The following SRP72 variants were observed in gnomAD, a reference collection of about 807,000 sequenced individuals.
SRP72 encodes the protein signal recognition particle subunit SRP72.
A neutral mutation model predicts 96.3 loss-of-function variants in SRP72; 49 were observed. The observed-to-expected ratio is 0.51, with a 90% confidence interval of 0.40 to 0.65. The LOEUF is 0.65. Ranked by LOEUF, SRP72 falls within the 30% of genes least tolerant of loss-of-function variation. The pLI is 0.00. For synonymous variants in SRP72, 267 were observed against 275.2 expected, an observed-to-expected ratio of 0.97 and a Z score of 0.30; for missense variants, 736 against 793.3, an observed-to-expected ratio of 0.93 and a Z score of 0.87.
At chr4:56,467,807 G>A in intron 1 of SRP72, 63 bp downstream of exon 1, 2 of 1,373,760 alleles carry the variant, frequency 1.5e-6, no homozygotes, top group African/African-American at 1.5e-5. Flanking sequence ...CCTGTTTCCG[G>A]CGCGCGAGAC....
chr4:56,486,303 C>T (rs1560683591), intron 10 of SRP72, 22 bp from the exon 11 acceptor site: 2 of 1,561,608 alleles, frequency 1.3e-6, no homozygotes, highest in South Asian at 1.2e-5. Context: ...TGATTTTTTT[C>T]CCCCAAACTA....
intron 11 of SRP72, among the ~76,000 whole-genome samples, chr4:56,487,476 G>GT (rs1578189733): frequency 6.6e-6 from 1 of 151,980 alleles, no homozygotes. Flanking sequence ...ATCTGTCATG[G>GT]TTTTTTGTTT....
Position 56,467,653 on chromosome 4 carries a change from CG to C in SRP72, c.25del (p.Val9CysfsTer10), listed in dbSNP as rs763130641. 1.7e-5 allele frequency: 27 copies of C among 1,550,624 alleles called. No homozygotes were observed. Among genetic ancestry groups the C allele is most frequent in the Admixed American group, 4.0e-5 (2 of 50,446 alleles). Reference protein sequence around the residue: MASGGSGGVSVPALWSE... With the variant: MASGGSXGVSVPALWSE... ...CCTCCAAGATGGCGAGCGGCGGCAG[CG>C]GGGGGGTGTCAGTACCTGCGCTGTG... On this transcript the variant is annotated frameshift_variant, in exon 1 of 19. Coordinates refer to ENST00000642900, the MANE Select transcript of SRP72 (RefSeq NM_006947.4). LOFTEE classifies it high-confidence loss of function.
Position 56,473,935 on chromosome 4 carries a change from A to G in SRP72, c.355-119A>G, listed in dbSNP as rs1720092760. 6.6e-6 allele frequency: 6 copies of G among 906,494 alleles called. No homozygotes were observed. In the South Asian group the frequency reaches 1.2e-4, roughly 18 times the overall value. The allele number at this position is 906,494 out of a possible 1,614,324, so 56.2% of individuals were successfully genotyped here. A position where few individuals can be genotyped will look rare whatever the true frequency, so the allele number is the denominator to read the frequency against. The stretch of plus-strand genomic sequence containing the variant: ...AAAAATTATAAAACATAAACAGTTG[A>G]TTGTTCATGTTATGCTGAACTAGGA... On this transcript the variant is annotated intron_variant, in intron 3 of 18. Coordinates refer to ENST00000642900, the MANE Select transcript of SRP72 (RefSeq NM_006947.4).
chr4:56,474,027 A>AT, intron 3 of SRP72, 27 bp from the exon 4 acceptor site: 2 of 1,596,966 alleles, frequency 1.3e-6, no homozygotes, highest in Admixed American at 1.8e-5. Context: ...TTTGTCTCTG[A>AT]TTTTTTACTT....
chr4:56,481,751 A>G (rs941245251), intron 8 of SRP72, among the ~76,000 whole-genome samples: 1 of 145,868 alleles, frequency 6.9e-6, no homozygotes, highest in Non-Finnish European at 1.5e-5. Flanking sequence ...CTCTGTGTTG[A>G]GCATATCTGT....
Position 56,467,713 on chromosome 4 carries a change from C to G in SRP72, c.78C>G (p.Asp26Glu), listed in dbSNP as rs1307002461. The G allele has an allele frequency of 6.4e-7, 1 of 1,554,794 alleles. No individual in the cohort carries two copies. The highest frequency in any genetic ancestry group is 2.0e-5 in the Admixed American group (1 of 49,656). ...TGAACCGGTATGGCCAGAACGGCGA[C>G]TTCACGCGCGCTCTCAAGACCGTCA... ...SEVNRYGQNG[D>E]FTRALKTVNK... The change falls in exon 1 of 19, where the codon GAC (aspartate) becomes GAG (glutamate). Residue 26 changes from aspartate (D) to glutamate (E), a missense_variant. Transcript: ENST00000642900.
intron 17 of SRP72, among the ~76,000 whole-genome samples, chr4:56,498,443 A>G (rs1721154187): frequency 6.6e-6 from 1 of 152,156 alleles, no homozygotes; most frequent in Non-Finnish European, 1.5e-5. Context: ...GGCAAGAGAA[A>G]GAAATAAAGG....
rs1027550492 is a variant in SRP72, at chr4:56,467,879, C to T, written c.109+135C>T. On this transcript the variant is annotated intron_variant, in intron 1 of 18. Transcript: ENST00000642900. ...GAAACCCCCCCGTCTATTGTCCGCC[C>T]GGCTCGGGCCCTAGCGCCCGGAAGA... 3.1e-5 allele frequency: 28 copies of T among 896,174 alleles called. 1 individual carries two copies. Among genetic ancestry groups the T allele is most frequent in the South Asian group, 2.3e-4 (10 of 43,056 alleles). The allele number at this position is 896,174 out of a possible 1,614,324, so 55.5% of individuals were successfully genotyped here. A position where few individuals can be genotyped will look rare whatever the true frequency, so the allele number is the denominator to read the frequency against.
rs1721041051 is a variant in SRP72 at position 56,495,372 on chromosome 4, AAAGAAG to A, written c.1659_1664del (p.Lys558_Lys559del). The stretch of plus-strand genomic sequence containing the variant: ...CTCTTTGTAGACAGGGAGATTTGAA[AAAGAAG>A]AAAAAGAAAAAGAAGGGTAAGGCAT... On this transcript the variant is annotated inframe_deletion, in exon 17 of 19. Coordinates refer to ENST00000642900, the MANE Select transcript of SRP72 (RefSeq NM_006947.4). 1.3e-6 allele frequency: 2 copies of A among 1,490,060 alleles called. No homozygotes were observed. The highest frequency in any genetic ancestry group is 1.2e-5 in the South Asian group (1 of 85,092). 92.3% of individuals were successfully genotyped at this position (1,490,060 alleles called of 1,614,324 possible). A position where few individuals can be genotyped will look rare whatever the true frequency, so the allele number is the denominator to read the frequency against.
rs188727021 is a variant in SRP72 at position 56,469,151 on chromosome 4, G to T, written c.110-502G>T. ...ATATTGTCAGTAACCTTATTAAATA[G>T]GTAATGCTTTTCTAATCATTTTGTA... On this transcript the variant is annotated intron_variant, in intron 1 of 18. Transcript: ENST00000642900. Among the ~76,000 whole-genome samples the T allele has an allele frequency of 4.7e-3, 722 of 152,174 alleles. 2 individuals carry two copies. The highest frequency in any genetic ancestry group is 6.7e-3 in the Non-Finnish European group (457 of 68,004).
chr4:56,481,921 C>T (rs572258448), intron 8 of SRP72, among the ~76,000 whole-genome samples: 41 of 151,328 alleles, frequency 2.7e-4, no homozygotes, highest in Non-Finnish European at 4.9e-4. Flanking sequence ...TGCCACCACA[C>T]CCAGCTAATT....
intron 8 of SRP72, among the ~76,000 whole-genome samples, chr4:56,480,193 A>T (rs139628471): frequency 2.6e-4 from 39 of 152,298 alleles, no homozygotes; most frequent in African/African-American, 9.1e-4. Flanking sequence ...CCAAACATTG[A>T]TACTAGCCTT....
intron 15 of SRP72, among the ~76,000 whole-genome samples, 175 bp downstream of exon 15, chr4:56,490,820 G>A (rs1433703611): frequency 6.6e-6 from 1 of 152,128 alleles, no homozygotes; most frequent in Admixed American, 6.6e-5. Flanking sequence ...AAAATGCGGC[G>A]ATAGATCCAA....
chr4:56,500,935 A>T (rs1464058131), intron 18 of SRP72, among the ~76,000 whole-genome samples: 1 of 151,528 alleles, frequency 6.6e-6, no homozygotes. Flanking sequence ...TCAAATATAT[A>T]TTGTGAAATA....
In SRP72 at chr4:56,478,566, T is replaced by C. The variant is rs752648920; in HGVS notation, c.768-26T>C. On this transcript the variant is annotated intron_variant, in intron 7 of 18. Coordinates refer to ENST00000642900, the MANE Select transcript of SRP72 (RefSeq NM_006947.4). ...GGGTTCTTTTTAAAGGTTTGTTTGG[T>C]TTTGACTGTTGCTTGTTGTTCACAG... is the stretch of plus-strand genomic sequence containing the variant. The C allele has an allele frequency of 1.9e-6, 3 of 1,613,354 alleles. No homozygotes were observed. In the Admixed American group the frequency reaches 5.0e-5, roughly 27 times the overall value.
Position 56,501,998 on chromosome 4 carries a change from G to C in SRP72, c.*137G>C, listed in dbSNP as rs1336892651. The C allele has an allele frequency of 1.1e-6, 1 of 934,222 alleles. No individual in the cohort carries two copies. The highest frequency in any genetic ancestry group is 1.7e-5 in the African/African-American group (1 of 59,990). 57.9% of individuals were successfully genotyped at this position (934,222 alleles called of 1,614,324 possible). A position where few individuals can be genotyped will look rare whatever the true frequency, so the allele number is the denominator to read the frequency against. ...TTCATAATTTCTTGTGTTTCAAATA[G>C]GGAAACATCTTCCTCAAAGTCTGCC... On this transcript the variant is annotated 3_prime_UTR_variant, in exon 19 of 19. Transcript: ENST00000642900.
At chr4:56,470,828 GTTTT>G (rs569643683) in intron 2 of SRP72, among the ~76,000 whole-genome samples, 2 of 130,200 alleles carry the variant, frequency 1.5e-5, no homozygotes, top group Non-Finnish European at 1.7e-5. Context: ...TTGGATAAAA[GTTTT>G]TTTTTTTTTT....
Position 56,502,171 on chromosome 4 carries a change from T to A in SRP72, c.*310T>A, listed in dbSNP as rs1220596443. 1 of 248,542 alleles carries A rather than the reference T, an allele frequency of 4.0e-6. No homozygotes were observed. Among genetic ancestry groups the A allele is most frequent in the African/African-American group, 2.3e-5 (1 of 43,924 alleles). The allele number at this position is 248,542 out of a possible 1,614,324, so 15.4% of individuals were successfully genotyped here. On this transcript the variant is annotated 3_prime_UTR_variant, in exon 19 of 19. Transcript: ENST00000642900. ...TTTTTTCAGTTTCACATACCTTATC[T>A]AAGGTTTCCCAGGATTTAAACAGAA...
Sources: gnomAD v4.1 joint callset for allele counts (sites outside exome capture counted in the v4.1 genomes callset) on GRCh38, gnomAD v4.1.1 for gene constraint, MANE v1.5 for transcripts, NCBI Gene and HGNC (gene_info 2026-07-23, HGNC 2026-07-21) for gene names.